ADCY1: variants seen among roughly 807,000 people sequenced by gnomAD.
ADCY1 encodes adenylate cyclase 1.
A neutral mutation model predicts 105.4 loss-of-function variants in ADCY1; 28 were observed. The observed-to-expected ratio is 0.27, with a 90% CI of 0.20 to 0.36. ADCY1 has a LOEUF of 0.36. Ranked by LOEUF, ADCY1 falls within the 10% of genes least tolerant of loss-of-function variation. The pLI is 1.00. For synonymous variants in ADCY1, 655 were observed against 623.8 expected, an observed-to-expected ratio of 1.05 and a Z score of -0.75; for missense variants, 977 against 1,434.2, an observed-to-expected ratio of 0.68 and a Z score of 5.15.
At position 45,592,896 on chromosome 7, in the gene ADCY1, G is replaced by C; in HGVS notation, c.777G>C (p.Glu259Asp). The change falls in exon 2 of 20, where the codon GAG becomes GAC. Residue 259 changes from glutamate to aspartate, a missense_variant. Coordinates refer to ENST00000297323, the MANE Select transcript of ADCY1 (RefSeq NM_021116.4). ...AGGACCGACTGAGGCTGGAGGATGA[G>C]AACGAGAAGCAGGTCAGTGGCTTGG... ...CIEDRLRLED[E>D]NEKQERLLMS... The C allele has an allele frequency of 1.2e-6, 2 of 1,614,102 alleles. No homozygotes were observed. The highest frequency in any genetic ancestry group is 2.2e-5 in the East Asian group (1 of 44,878).
At chr7:45,604,098 A>G (rs1793315643) in intron 2 of ADCY1, among the ~76,000 whole-genome samples, 1 of 152,198 alleles carries the variant, frequency 6.6e-6, no homozygotes, top group African/African-American at 2.4e-5. Context: ...GGTCATATGG[A>G]AGTTGCCTAT....
intron 17 of ADCY1, among the ~76,000 whole-genome samples, chr7:45,707,432 T>C (rs1785142083): frequency 6.6e-6 from 1 of 152,110 alleles, no homozygotes; most frequent in African/African-American, 2.4e-5. Context: ...TCTGAAAAGG[T>C]TACATACTGT....
intron 4 of ADCY1, among the ~76,000 whole-genome samples, chr7:45,637,770 TG>T (rs1195523232): frequency 6.6e-6 from 1 of 152,188 alleles, no homozygotes; most frequent in African/African-American, 2.4e-5. Context: ...CTTGTAGTGC[TG>T]GTATGCTGGT....
chr7:45,592,783 G>C lies in ADCY1; in HGVS notation c.664G>C (p.Val222Leu). 1 of 1,614,200 alleles carries C rather than the reference G, an allele frequency of 6.2e-7. No individual in the cohort carries two copies. The highest frequency in any genetic ancestry group is 8.5e-7 in the Non-Finnish European group (1 of 1,180,034). Residue 222 changes from valine to leucine, a missense_variant, in exon 2 of 20, where the codon GTC (valine) becomes CTC (leucine). Val to Leu is a conservative substitution (Grantham distance 32). Around this residue, in one of 7 missense-constraint regions of ADCY1, gnomAD observed 196 missense variants for 347.8 expected, o/e 0.56. Transcript: ENST00000297323. ...RTLGANALLFVGVNMYGVFVR... is the reference protein window; with the variant it reads ...RTLGANALLFLGVNMYGVFVR... ...GCTCGGTGCCAATGCCTTGCTCTTC[G>C]TCGGTGTGAACATGTATGGGGTCTT...
intron 14 of ADCY1, among the ~76,000 whole-genome samples, chr7:45,697,226 TCTG>T (rs1784901607): frequency 6.6e-6 from 1 of 152,106 alleles, no homozygotes; most frequent in Admixed American, 6.6e-5. Context: ...CAGGGTGTCT[TCTG>T]CTTATGGAGT....
chr7:45,603,364 C>A (rs1367931534), intron 2 of ADCY1, among the ~76,000 whole-genome samples: 1 of 152,186 alleles, frequency 6.6e-6, no homozygotes, highest in Non-Finnish European at 1.5e-5. Context: ...CTATGGTTAG[C>A]ATTTTAAGGA....
At chr7:45,661,791 T>C (rs1795114281) in intron 7 of ADCY1, among the ~76,000 whole-genome samples, 2 of 152,230 alleles carry the variant, frequency 1.3e-5, no homozygotes, top group Admixed American at 1.3e-4. Flanking sequence ...CCCCGCACTT[T>C]GCTTCAGGAT....
chr7:45,584,726 C>T (rs1263283166), intron 1 of ADCY1, among the ~76,000 whole-genome samples: 2 of 152,206 alleles, frequency 1.3e-5, no homozygotes, highest in Non-Finnish European at 2.9e-5. Flanking sequence ...CTGTGGCCAG[C>T]ATCTAGGCTT....
chr7:45,685,095 G>T, intron 12 of ADCY1, 27 bp downstream of exon 12: 1 of 1,594,432 alleles, frequency 6.3e-7, no homozygotes, highest in Middle Eastern at 1.7e-4. Context: ...TGTGGCATGC[G>T]CTGGGGCGGG....
chr7:45,640,124 G>A (rs530326455), intron 4 of ADCY1, among the ~76,000 whole-genome samples: 6 of 152,318 alleles, frequency 3.9e-5, no homozygotes, highest in African/African-American at 1.4e-4. Flanking sequence ...TAGATGACAA[G>A]GCGAACATTC....
chr7:45,709,982 C>T (rs751076778), intron 18 of ADCY1, among the ~76,000 whole-genome samples: 1 of 152,216 alleles, frequency 6.6e-6, no homozygotes, highest in Non-Finnish European at 1.5e-5. Context: ...CAGTTGGACA[C>T]TGAGCTACAA....
chr7:45,664,405 C>A, intron 8 of ADCY1: 1 of 1,536,000 alleles, frequency 6.5e-7, no homozygotes, highest in Middle Eastern at 1.7e-4. Context: ...GCCACTGTCA[C>A]CAGTGCTGCA....
In ADCY1 at chr7:45,643,311, T is replaced by C. The variant is rs534518821; in HGVS notation, c.1021-5359T>C. On this transcript the variant is annotated intron_variant, in intron 4 of 19. Coordinates refer to ENST00000297323, the MANE Select transcript of ADCY1 (RefSeq NM_021116.4). The stretch of plus-strand genomic sequence containing the variant: ...AATAAAAATAAATTATGAGTTTATA[T>C]TGATATTTCCAATTCACTTCACTCC... Among the ~76,000 whole-genome samples, 112 of 150,718 alleles carry C rather than the reference T, an allele frequency of 7.4e-4. 1 individual carries two copies. The highest frequency in any genetic ancestry group is 2.1e-3 in the African/African-American group (89 of 41,470).
At chr7:45,677,782 C>T (rs541831339) in intron 8 of ADCY1, 87 bp from the exon 9 acceptor site, 13 of 1,413,438 alleles carry the variant, frequency 9.2e-6, no homozygotes, top group Admixed American at 2.1e-5. Flanking sequence ...CACCCTGCAG[C>T]GGATCTGGCT....
At chr7:45,612,771 C>G (rs1207333952) in intron 3 of ADCY1, among the ~76,000 whole-genome samples, 1 of 152,156 alleles carries the variant, frequency 6.6e-6, no homozygotes, top group African/African-American at 2.4e-5. Flanking sequence ...CTATCTCTCC[C>G]CTGGATCTCT....
In ADCY1 at chr7:45,625,969, A is replaced by G. The variant is rs147005135; in HGVS notation, c.1020+3226A>G. Among the ~76,000 whole-genome samples the G allele has an allele frequency of 2.4e-3, 372 of 152,306 alleles. 7 individuals are homozygous for G. The highest frequency in any genetic ancestry group is 0.021 in the Admixed American group (314 of 15,300). ...GTGACCATGCAGGATTGTGGTGTTA[A>G]CCCATGTCCAAGAGAAGGAGATTGA... is the stretch of plus-strand genomic sequence containing the variant. On this transcript the variant is annotated intron_variant, in intron 4 of 19. Coordinates refer to ENST00000297323, the MANE Select transcript of ADCY1 (RefSeq NM_021116.4).
intron 11 of ADCY1, among the ~76,000 whole-genome samples, chr7:45,683,848 TG>T (rs1187722021): frequency 6.6e-6 from 1 of 152,218 alleles, no homozygotes; most frequent in African/African-American, 2.4e-5. Flanking sequence ...CTGCAAAAGA[TG>T]GCAGGATCTT....
At chr7:45,672,419 C>A (rs1409142110) in intron 8 of ADCY1, among the ~76,000 whole-genome samples, 2 of 150,542 alleles carry the variant, frequency 1.3e-5, no homozygotes, top group African/African-American at 4.9e-5. Flanking sequence ...TATTCTAGTC[C>A]CTTTTCCTTT....
chr7:45,661,514 A>G (rs1488983438), intron 7 of ADCY1, among the ~76,000 whole-genome samples: 2 of 152,014 alleles, frequency 1.3e-5, no homozygotes, highest in Non-Finnish European at 2.9e-5. Context: ...CCACTTTCCT[A>G]TCACCTCATT....
Sources: gnomAD v4.1 joint callset for allele counts (sites outside exome capture counted in the v4.1 genomes callset) on GRCh38, gnomAD v4.1.1 for gene constraint, gnomAD v4.1.1 regional missense constraint, MANE v1.5 for transcripts, NCBI Gene and HGNC (gene_info 2026-07-23, HGNC 2026-07-21) for gene names.